The following CAPRIN2 variants were observed in gnomAD, a reference collection of about 807,000 sequenced individuals.
CAPRIN2 encodes caprin-2.
CAPRIN2 carries 66 observed loss-of-function variants against 130.4 expected under a neutral mutation model. The observed-to-expected ratio is 0.51, with a 90% CI of 0.42 to 0.62. The LOEUF (loss-of-function observed/expected upper bound fraction) is 0.62, where lower values mean the gene tolerates loss of function less well. Ranked by LOEUF, CAPRIN2 falls within the 20% of genes least tolerant of loss-of-function variation. CAPRIN2 has a pLI of 0.00. For synonymous variants in CAPRIN2, 471 were observed against 444.1 expected (o/e 1.06, Z -0.76); for missense variants, 1,185 against 1,246.6 (o/e 0.95, Z 0.74).
intron 3 of CAPRIN2, among the ~76,000 whole-genome samples, chr12:30,737,861 T>G (rs2065630896): frequency 6.6e-6 from 1 of 152,128 alleles, no homozygotes; most frequent in Non-Finnish European, 1.5e-5. Flanking sequence ...CCTCCCAAAG[T>G]GCTGGGATCA....
intron 1 of CAPRIN2, among the ~76,000 whole-genome samples, chr12:30,752,259 C>T (rs2074353223): frequency 6.6e-6 from 1 of 152,060 alleles, no homozygotes; most frequent in African/African-American, 2.4e-5. Flanking sequence ...TAGGTTCCTC[C>T]TGTATTGGCT....
intron 2 of CAPRIN2, among the ~76,000 whole-genome samples, chr12:30,746,687 C>G (rs2070628808): frequency 6.6e-6 from 1 of 152,146 alleles, no homozygotes; most frequent in Non-Finnish European, 1.5e-5. Context: ...GAACAAGACC[C>G]TAACTCTCTT....
chr12:30,717,078 T>C (rs951898353), intron 12 of CAPRIN2, among the ~76,000 whole-genome samples: 5 of 152,176 alleles, frequency 3.3e-5, no homozygotes, highest in African/African-American at 1.2e-4. Flanking sequence ...ACTAATTCCA[T>C]TTCTAGGTAT....
At chr12:30,751,343 C>G (rs911497066) in intron 1 of CAPRIN2, 1 of 553,952 alleles carries the variant, frequency 1.8e-6, no homozygotes, top group African/African-American at 1.9e-5. Flanking sequence ...TCTGGAATTA[C>G]AAAACCTAAG....
Position 30,753,329 on chromosome 12 carries a change from A to G in CAPRIN2, c.420+15T>C. Reference sequence around the variant, plus strand: ...TAAGATCATGCATCTACAGGACTGGAAGAAAAAAAGTTACCTTCTTTTTCT... The same window carrying G: ...TAAGATCATGCATCTACAGGACTGGGAGAAAAAAAGTTACCTTCTTTTTCT... On this transcript the variant is annotated intron_variant, in intron 1 of 16. Transcript: ENST00000298892. The G allele has an allele frequency of 6.3e-7, 1 of 1,592,954 alleles. No homozygotes were observed. The highest frequency in any genetic ancestry group is 2.3e-4 in the Middle Eastern group (1 of 4,418).
At chr12:30,724,132 A>G (rs2060206936) in intron 10 of CAPRIN2, among the ~76,000 whole-genome samples, 1 of 152,234 alleles carries the variant, frequency 6.6e-6, no homozygotes. Flanking sequence ...ACAGCTATTG[A>G]GTATTTCCAT....
At chr12:30,711,531 C>G in intron 16 of CAPRIN2, 35 bp downstream of exon 18, 1 of 1,518,724 alleles carries the variant, frequency 6.6e-7, no homozygotes, top group Non-Finnish European at 9.2e-7. Context: ...GAGACATGTG[C>G]TGGGTAAGAA....
intron 1 of CAPRIN2, chr12:30,751,720 AT>A (rs1457756427): frequency 6.6e-6 from 1 of 152,240 alleles, no homozygotes; most frequent in African/African-American, 2.4e-5. Flanking sequence ...TACCTGTTGA[AT>A]TATGTGGCAT....
exon 1 of CAPRIN2, chr12:30,753,512 T>G: frequency 6.2e-7 from 1 of 1,614,226 alleles, no homozygotes; most frequent in Non-Finnish European, 8.5e-7. Context: ...GGGGCTTGGC[T>G]GACTTCATAT....
At position 30,730,380 on chromosome 12, in the gene CAPRIN2, C is replaced by T. The variant is rs112468601; in HGVS notation, c.1061-98G>A. 4.3e-3 allele frequency: 3,630 copies of T among 847,816 alleles called. 98 individuals carry two copies. The African/African-American group carries it at 0.056, about 13-fold the overall frequency. 52.5% of individuals were successfully genotyped at this position (847,816 alleles called of 1,614,324 possible). A position where few individuals can be genotyped will look rare whatever the true frequency, so the allele number is the denominator to read the frequency against. ...CATTCTAGCAACATATTTCAGAAGACTCGTAACAGAAAAAGGGTAATATAA... is the reference window on the plus strand; with the variant it reads ...CATTCTAGCAACATATTTCAGAAGATTCGTAACAGAAAAAGGGTAATATAA... On this transcript the variant is annotated intron_variant, in intron 6 of 16. Coordinates refer to ENST00000298892, the Ensembl canonical transcript of CAPRIN2.
chr12:30,724,178 C>G (rs2060220442), intron 10 of CAPRIN2, among the ~76,000 whole-genome samples, 192 bp downstream of exon 11: 1 of 152,168 alleles, frequency 6.6e-6, no homozygotes, highest in African/African-American at 2.4e-5. Flanking sequence ...AAAATGAAAA[C>G]AAGTCAGTTA....
At chr12:30,724,322 G>A in intron 10 of CAPRIN2, 48 bp downstream of exon 11, 1 of 1,069,112 alleles carries the variant, frequency 9.4e-7, no homozygotes, top group Non-Finnish European at 1.5e-6. Flanking sequence ...ACAACAAATA[G>A]CTGTTAGCTC....
Position 30,725,961 on chromosome 12 carries a change from C to T in CAPRIN2, c.1905+5G>A. 1 of 1,571,764 alleles carries T rather than the reference C, an allele frequency of 6.4e-7. No homozygotes were observed. The highest frequency in any genetic ancestry group is 8.6e-7 in the Non-Finnish European group (1 of 1,160,458). ...ATCATTTAAGATTTTGTAAATGACTCATACTTGCATAAAGTTACAAGTTCC... is the reference window on the plus strand; with the variant it reads ...ATCATTTAAGATTTTGTAAATGACTTATACTTGCATAAAGTTACAAGTTCC... On this transcript the variant is annotated splice_donor_5th_base_variant and intron_variant, in intron 9 of 16. Coordinates refer to ENST00000298892, the Ensembl canonical transcript of CAPRIN2.
intron 10 of CAPRIN2, among the ~76,000 whole-genome samples, chr12:30,724,016 C>T (rs2060179684): frequency 6.6e-6 from 1 of 152,170 alleles, no homozygotes; most frequent in Non-Finnish European, 1.5e-5. Context: ...TTGTGGTAAT[C>T]ACACCCGTAG....
intron 2 of CAPRIN2, among the ~76,000 whole-genome samples, chr12:30,747,614 T>C (rs1274335736): frequency 1.3e-5 from 2 of 151,068 alleles, no homozygotes; most frequent in African/African-American, 4.9e-5. Context: ...GAGGTGGAGG[T>C]TGCGGTGAGC....
chr12:30,753,470 C>T, exon 1 of CAPRIN2: 3 of 1,614,188 alleles, frequency 1.9e-6, no homozygotes, highest in Non-Finnish European at 2.5e-6. Context: ...TCAAGGCCCG[C>T]TGGCTTTCCC....
chr12:30,744,354 C>T (rs1413255966), intron 2 of CAPRIN2, among the ~76,000 whole-genome samples: 2 of 152,202 alleles, frequency 1.3e-5, no homozygotes, highest in African/African-American at 4.8e-5. Context: ...TTAAACATAT[C>T]TGTACCATTT....
intron 15 of CAPRIN2, among the ~76,000 whole-genome samples, chr12:30,713,354 T>C (rs1314450081): frequency 6.6e-6 from 1 of 152,208 alleles, no homozygotes; most frequent in African/African-American, 2.4e-5. Flanking sequence ...AAAAAGGGCT[T>C]TGCTACATTT....
At chr12:30,754,700 CAGCCGCCTCCCTCCGCCGCGCCGACCGA>C (rs2075492913), upstream of CAPRIN2, 1 of 153,068 alleles carries the variant, frequency 6.5e-6, no homozygotes, top group Non-Finnish European at 1.5e-5. Context: ...CTCGCCGGGT[CAGCCGCCTCCCTCCGCCGCGCCGACCGA>C]GGCCGCCGCA....
Sources: gnomAD v4.1 joint callset for allele counts (sites outside exome capture counted in the v4.1 genomes callset) on GRCh38, gnomAD v4.1.1 for gene constraint, MANE v1.5 for transcripts, NCBI Gene and HGNC (gene_info 2026-07-23, HGNC 2026-07-21) for gene names.